Variants in PCDHA2 observed in about 807,000 individuals in gnomAD.
The protein encoded by PCDHA2 is protocadherin alpha-2.
PCDHA2 carries 58 observed loss-of-function variants against 66.0 expected under a neutral mutation model. That is an observed-to-expected ratio of 0.88 (90% CI 0.71 to 1.09). PCDHA2 has a LOEUF of 1.09. Among genes scored for constraint, PCDHA2 ranks in the 50% least tolerant of loss-of-function variants. PCDHA2 has a pLI of 0.00. For synonymous variants in PCDHA2, 634 were observed against 554.0 expected, an observed-to-expected ratio of 1.14 and a Z score of -2.03; for missense variants, 1,267 against 1,242.3, an observed-to-expected ratio of 1.02 and a Z score of -0.30.
intron 1 of PCDHA2, among the ~76,000 whole-genome samples, chr5:140,903,031 A>G (rs1411414428): frequency 1.3e-5 from 2 of 152,188 alleles, no homozygotes; most frequent in Admixed American, 1.3e-4. Flanking sequence ...TGGCTTGCAC[A>G]TGTGTCTTTT....
chr5:140,941,202 C>CTTTCTGTCTTTCTTT (rs1554213921), intron 1 of PCDHA2, among the ~76,000 whole-genome samples: 1 of 122,742 alleles, frequency 8.1e-6, no homozygotes, highest in African/African-American at 3.0e-5. Context: ...TTTCTTTCTT[C>CTTTCTGTCTTTCTTT]CTTTCTTTCT....
intron 1 of PCDHA2, chr5:140,883,267 T>C: frequency 6.2e-7 from 1 of 1,614,048 alleles, no homozygotes. Flanking sequence ...TGGCGGGTCA[T>C]TGTACCCTTT....
At chr5:140,803,000 A>C (rs782428262) in intron 1 of PCDHA2, 14 of 1,613,894 alleles carry the variant, frequency 8.7e-6, no homozygotes, top group Non-Finnish European at 2.5e-6. Flanking sequence ...ATGCAGACTC[A>C]GGCTACAACG....
intron 1 of PCDHA2, chr5:140,857,521 CTCTCT>C: frequency 6.3e-7 from 1 of 1,598,106 alleles, no homozygotes; most frequent in Non-Finnish European, 8.6e-7. Flanking sequence ...TGGTGTCCTA[CTCTCT>C]GGTGGAGCGG....
intron 1 of PCDHA2, among the ~76,000 whole-genome samples, chr5:140,879,977 C>T (rs1285167233): frequency 6.6e-6 from 1 of 152,174 alleles, no homozygotes; most frequent in African/African-American, 2.4e-5. Flanking sequence ...AAACTCCTTT[C>T]AAGATCCTTA....
intron 1 of PCDHA2, chr5:140,865,199 T>C (rs776546973): frequency 1.2e-4 from 18 of 152,246 alleles, no homozygotes; most frequent in Admixed American, 9.2e-4. Context: ...ACCATATTAA[T>C]GTGAATTGCT....
intron 1 of PCDHA2, among the ~76,000 whole-genome samples, chr5:140,897,257 T>C (rs1554187284): frequency 6.6e-6 from 1 of 151,916 alleles, no homozygotes; most frequent in Non-Finnish European, 1.5e-5. Context: ...TATGTATACA[T>C]GTGCCATGCT....
At chr5:140,993,543 G>C (rs1263683239) in intron 3 of PCDHA2, among the ~76,000 whole-genome samples, 1 of 151,590 alleles carries the variant, frequency 6.6e-6, no homozygotes, top group Non-Finnish European at 1.5e-5. Context: ...GAGAGATAGA[G>C]AAGTGAAGTA....
chr5:140,896,037 C>T (rs1373567434), intron 1 of PCDHA2, among the ~76,000 whole-genome samples: 1 of 152,156 alleles, frequency 6.6e-6, no homozygotes, highest in Non-Finnish European at 1.5e-5. Context: ...TCTCGAACTC[C>T]TGACCTCAGG....
At chr5:140,869,134 A>T (rs781973798) in intron 1 of PCDHA2, 3 of 1,612,182 alleles carry the variant, frequency 1.9e-6, no homozygotes, top group Non-Finnish European at 2.5e-6. Context: ...GGGATTGGGC[A>T]CCCCACGACT....
intron 1 of PCDHA2, among the ~76,000 whole-genome samples, chr5:140,951,153 G>T (rs1585399827): frequency 3.4e-5 from 1 of 29,832 alleles, no homozygotes; most frequent in Admixed American, 3.1e-4. Context: ...ATTGAATATA[G>T]TTATAGTAGC....
In PCDHA2 at chr5:140,823,091, G is replaced by A. The variant is rs2150122158; in HGVS notation, c.2388+25739G>A. On this transcript the variant is annotated intron_variant, in intron 1 of 3. Transcript: ENST00000526136. ...TCGCCTTCGCTGTGGGCCACCGCCA[G>A]CGTGTCTGTGGAAGTGGCCGACGTG... The A allele has an allele frequency of 5.0e-6, 8 of 1,614,038 alleles. No individual in the cohort carries two copies. The East Asian group carries it at 6.7e-5, about 13-fold the overall frequency.
intron 1 of PCDHA2, chr5:140,830,092 G>T: frequency 1.2e-6 from 2 of 1,613,632 alleles, no homozygotes; most frequent in Non-Finnish European, 1.7e-6. Flanking sequence ...CGGTTCTGGT[G>T]TCGCTGGTGG....
chr5:140,973,203 A>T (rs1554234958), intron 1 of PCDHA2, among the ~76,000 whole-genome samples: 1 of 152,196 alleles, frequency 6.6e-6, no homozygotes, highest in Non-Finnish European at 1.5e-5. Flanking sequence ...ATGTGTGCAT[A>T]TTCACCCTAA....
intron 1 of PCDHA2, chr5:140,859,072 G>T (rs1168323371): frequency 6.6e-6 from 1 of 150,540 alleles, no homozygotes; most frequent in African/African-American, 2.4e-5. Flanking sequence ...AGTTGTAGTG[G>T]TACCTGTGTC....
chr5:140,993,562 C>G (rs1233872464), intron 3 of PCDHA2, among the ~76,000 whole-genome samples: 3 of 150,520 alleles, frequency 2.0e-5, no homozygotes, highest in Non-Finnish European at 4.4e-5. Flanking sequence ...TATATAGTAT[C>G]CTTTCTAGGG....
chr5:140,810,753 C>T (rs1211252103), intron 1 of PCDHA2: 7 of 151,876 alleles, frequency 4.6e-5, no homozygotes, highest in African/African-American at 1.5e-4. Context: ...ATCTTGTATT[C>T]TGAACATAAC....
intron 1 of PCDHA2, among the ~76,000 whole-genome samples, chr5:140,956,942 A>G (rs2153711637): frequency 6.7e-6 from 1 of 148,840 alleles, no homozygotes; most frequent in Admixed American, 6.8e-5. Flanking sequence ...GATAAAATTT[A>G]CATTAAAACA....
chr5:140,927,349 G>A (rs782650880), intron 1 of PCDHA2: 3 of 1,614,016 alleles, frequency 1.9e-6, no homozygotes, highest in Admixed American at 1.7e-5. Context: ...AGATGACGAC[G>A]AGGGAAGCAA....
Sources: gnomAD v4.1 joint callset for allele counts (sites outside exome capture counted in the v4.1 genomes callset) on GRCh38, gnomAD v4.1.1 for gene constraint, MANE v1.5 for transcripts, NCBI Gene and HGNC (gene_info 2026-07-23, HGNC 2026-07-21) for gene names.